The following FSTL5 variants were observed in gnomAD, a reference collection of about 807,000 sequenced individuals.
The protein encoded by FSTL5 is follistatin-related protein 5.
A neutral mutation model predicts 89.1 loss-of-function variants in FSTL5; 62 were observed. The ratio of observed to expected loss-of-function variants is 0.70; its 90% CI spans 0.57 to 0.86. The LOEUF is 0.86. Among genes scored for constraint, FSTL5 ranks in the 40% least tolerant of loss-of-function variants. The pLI, the probability that FSTL5 is intolerant of heterozygous loss-of-function variation, is 0.00. For synonymous variants in FSTL5, 383 were observed against 346.2 expected (o/e 1.11, Z -1.18); for missense variants, 1,057 against 1,001.6 (o/e 1.06, Z -0.75).
At chr4:161,920,287 T>A (rs1210694500) in intron 4 of FSTL5, 117 bp downstream of exon 4, 1 of 946,750 alleles carries the variant, frequency 1.1e-6, no homozygotes, top group Non-Finnish European at 1.6e-6. Flanking sequence ...TAGGCTATTT[T>A]GTGTTTCTTT....
At chr4:161,671,168 T>C (rs909072485) in intron 6 of FSTL5, among the ~76,000 whole-genome samples, 4 of 152,222 alleles carry the variant, frequency 2.6e-5, no homozygotes, top group African/African-American at 7.2e-5. Flanking sequence ...AGCTCCTTTT[T>C]TTACATTGTG....
At chr4:161,910,268 A>G (rs1308022288) in intron 4 of FSTL5, among the ~76,000 whole-genome samples, 1 of 151,920 alleles carries the variant, frequency 6.6e-6, no homozygotes, top group Non-Finnish European at 1.5e-5. Flanking sequence ...AGAGTTCTCT[A>G]TCCTCAACTC....
intron 2 of FSTL5, among the ~76,000 whole-genome samples, chr4:162,099,082 A>G (rs189817653): frequency 1.2e-3 from 186 of 152,214 alleles, no homozygotes; most frequent in African/African-American, 4.4e-3. Flanking sequence ...ACATGCATAC[A>G]ACACTTAATA....
chr4:162,144,680 A>G (rs1732900672), intron 1 of FSTL5, among the ~76,000 whole-genome samples: 1 of 152,150 alleles, frequency 6.6e-6, no homozygotes, highest in Admixed American at 6.5e-5. Context: ...ATGATCCACA[A>G]AAAAGTGAAT....
At chr4:161,559,585 A>G (rs1257322154) in intron 8 of FSTL5, among the ~76,000 whole-genome samples, 1 of 151,914 alleles carries the variant, frequency 6.6e-6, no homozygotes, top group East Asian at 1.9e-4. Context: ...TCTCATTTCT[A>G]TCTTACTGTT....
chr4:161,581,710 A>G (rs761917730), intron 8 of FSTL5, among the ~76,000 whole-genome samples: 9 of 152,334 alleles, frequency 5.9e-5, no homozygotes, highest in Non-Finnish European at 1.2e-4. Flanking sequence ...GACATCTGGT[A>G]AAACCAACAA....
chr4:161,883,718 G>T (rs547437307), intron 4 of FSTL5, among the ~76,000 whole-genome samples: 1 of 152,320 alleles, frequency 6.6e-6, no homozygotes, highest in Admixed American at 6.5e-5. Context: ...GTGCCAGTAA[G>T]TAAAGGAAAA....
At chr4:161,525,172 A>G (rs4594676) in intron 10 of FSTL5, among the ~76,000 whole-genome samples, 9,800 of 152,026 alleles carry the variant, frequency 0.064, 1,002 homozygotes, top group African/African-American at 0.22. Context: ...GTTGCCCTTC[A>G]TTTCTACCTG....
At chr4:162,069,062 G>A (rs972204765) in intron 2 of FSTL5, among the ~76,000 whole-genome samples, 1 of 152,072 alleles carries the variant, frequency 6.6e-6, no homozygotes, top group Non-Finnish European at 1.5e-5. Flanking sequence ...TGGTGATGCT[G>A]TGGAAAAATA....
At chr4:161,532,809 A>T (rs1341006585) in intron 10 of FSTL5, among the ~76,000 whole-genome samples, 1 of 152,190 alleles carries the variant, frequency 6.6e-6, no homozygotes, top group African/African-American at 2.4e-5. Flanking sequence ...TTGCCCATGG[A>T]TTGCCCACAT....
At chr4:161,544,211 CTATT>C (rs756017934) in intron 8 of FSTL5, among the ~76,000 whole-genome samples, 5 of 151,916 alleles carry the variant, frequency 3.3e-5, no homozygotes, top group Admixed American at 1.3e-4. Context: ...TCTAGAATGG[CTATT>C]TAAACAGATA....
Position 162,106,029 on chromosome 4 carries a change from C to T in FSTL5, c.126+5242G>A, listed in dbSNP as rs1430871254. Among the ~76,000 whole-genome samples, 10 of 152,192 alleles carry T rather than the reference C, an allele frequency of 6.6e-5. No homozygotes were observed. In the East Asian group the frequency reaches 1.9e-3, roughly 29 times the overall value. ...TCTACTGCCACTCTTCACCAATCCA[C>T]ATCTATCACTCTTTAATATCGAAAG... On this transcript the variant is annotated intron_variant, in intron 2 of 15. Transcript: ENST00000306100.
At chr4:161,432,596 A>G (rs1160495496) in intron 15 of FSTL5, among the ~76,000 whole-genome samples, 2 of 152,044 alleles carry the variant, frequency 1.3e-5, no homozygotes. Context: ...TAAAGATCAG[A>G]GCAGAAGTAA....
chr4:161,836,889 G>T (rs12505615), intron 4 of FSTL5, among the ~76,000 whole-genome samples: 1 of 151,930 alleles, frequency 6.6e-6, no homozygotes, highest in Non-Finnish European at 1.5e-5. Context: ...ATAATTGAGT[G>T]GATGTTGACT....
intron 15 of FSTL5, among the ~76,000 whole-genome samples, chr4:161,449,500 C>T (rs1049985260): frequency 2.6e-5 from 4 of 152,226 alleles, no homozygotes; most frequent in Admixed American, 1.3e-4. Context: ...TAGCATCACC[C>T]AAGTTTATGC....
At chr4:161,606,045 G>GCATTTCTCCTTGTTCTATTATT (rs1560975731) in intron 7 of FSTL5, among the ~76,000 whole-genome samples, 3 of 152,022 alleles carry the variant, frequency 2.0e-5, no homozygotes, top group African/African-American at 7.2e-5. Context: ...CTAGCTTACT[G>GCATTTCTCCTTGTTCTATTATT]GAAGATGAGA....
chr4:161,542,737 T>C (rs754375762), intron 8 of FSTL5, 44 bp from the exon 9 acceptor site: 1 of 1,315,516 alleles, frequency 7.6e-7, no homozygotes, highest in South Asian at 2.0e-5. Flanking sequence ...TGATTCATAT[T>C]TTCTATTTAA....
chr4:161,997,574 G>T (rs879622240), intron 3 of FSTL5, among the ~76,000 whole-genome samples: 9 of 150,732 alleles, frequency 6.0e-5, no homozygotes, highest in Admixed American at 2.6e-4. Context: ...TATGAAATAT[G>T]CATGTGCATA....
At chr4:161,523,689 A>G (rs1478085286) in intron 10 of FSTL5, among the ~76,000 whole-genome samples, 2 of 152,176 alleles carry the variant, frequency 1.3e-5, no homozygotes. Context: ...GTGAGTTTCC[A>G]CAATACGTAT....
Sources: gnomAD v4.1 joint callset for allele counts (sites outside exome capture counted in the v4.1 genomes callset) on GRCh38, gnomAD v4.1.1 for gene constraint, MANE v1.5 for transcripts, NCBI Gene and HGNC (gene_info 2026-07-23, HGNC 2026-07-21) for gene names.